The following FAM234B variants were observed in gnomAD, a reference collection of about 807,000 sequenced individuals.
The protein encoded by FAM234B is family with sequence similarity 234 member B.
In FAM234B, 33 loss-of-function variants were observed where a neutral mutation model predicts 69.3. The observed-to-expected ratio is 0.48, with a 90% CI of 0.36 to 0.64. The LOEUF is 0.64. Ranked by LOEUF, FAM234B falls within the 30% of genes least tolerant of loss-of-function variation. FAM234B has a pLI of 0.00. For missense variants in FAM234B, 697 were observed against 769.7 expected (o/e 0.91, Z 1.12); for synonymous variants, 306 against 306.9 (o/e 1.00, Z 0.03).
intron 12 of FAM234B, 25 bp from the exon 13 acceptor site, chr12:13,080,600 A>C (rs1156254920): frequency 1.9e-6 from 3 of 1,594,522 alleles, no homozygotes; most frequent in Non-Finnish European, 2.6e-6. Context: ...AAAACAATAA[A>C]GTCACGATAA....
intron 1 of FAM234B, among the ~76,000 whole-genome samples, chr12:13,054,109 C>T (rs1036438964): frequency 2.6e-5 from 4 of 152,098 alleles, no homozygotes; most frequent in Admixed American, 1.3e-4. Context: ...TTCAAACACA[C>T]GTTTTACAAT....
chr12:13,047,689 C>T (rs1167769982), intron 1 of FAM234B, among the ~76,000 whole-genome samples: 1 of 152,178 alleles, frequency 6.6e-6, no homozygotes, highest in East Asian at 1.9e-4. Context: ...AATCAGTGCC[C>T]TCTCCCTTAT....
chr12:13,070,955 T>C (rs2120493872), intron 9 of FAM234B, among the ~76,000 whole-genome samples: 1 of 152,302 alleles, frequency 6.6e-6, no homozygotes, highest in South Asian at 2.1e-4. Context: ...CCTCCTTTTC[T>C]CACCTGTAAA....
chr12:13,050,894 G>C (rs1232924183), intron 1 of FAM234B, among the ~76,000 whole-genome samples: 1 of 152,090 alleles, frequency 6.6e-6, no homozygotes, highest in Non-Finnish European at 1.5e-5. Flanking sequence ...TGTGAACTCT[G>C]CTCATTGCTG....
At chr12:13,076,446 A>G (rs1865161761) in intron 11 of FAM234B, among the ~76,000 whole-genome samples, 1 of 152,236 alleles carries the variant, frequency 6.6e-6, no homozygotes, top group African/African-American at 2.4e-5. Flanking sequence ...AATGAGCATC[A>G]TCTGTATGCC....
At chr12:13,058,129 T>A (rs1417921602) in intron 2 of FAM234B, among the ~76,000 whole-genome samples, 2 of 152,190 alleles carry the variant, frequency 1.3e-5, no homozygotes, top group African/African-American at 4.8e-5. Context: ...GTTTCTGGGT[T>A]GCTGGCTTTT....
chr12:13,061,862 G>A lies in FAM234B; in HGVS notation c.721+99G>A. 9.5e-6 allele frequency: 9 copies of A among 944,930 alleles called. No homozygotes were observed. The South Asian group carries it at 1.3e-4, about 14-fold the overall frequency. 58.5% of individuals were successfully genotyped at this position (944,930 alleles called of 1,614,324 possible). A position where few individuals can be genotyped will look rare whatever the true frequency, so the allele number is the denominator to read the frequency against. ...GGGGACCTTTTGACTCTCACGTGGT[G>A]GAGTATCTGATTTACTGATCTGGAA... On this transcript the variant is annotated intron_variant, in intron 4 of 12. Transcript: ENST00000197268.
intron 11 of FAM234B, 136 bp from the exon 12 acceptor site, chr12:13,079,653 C>T (rs1244484880): frequency 3.3e-6 from 2 of 613,370 alleles, no homozygotes; most frequent in Admixed American, 3.1e-5. Flanking sequence ...AGCTCACTGC[C>T]TTCTGTTTAT....
At chr12:13,046,145 C>G (rs776494356) in intron 1 of FAM234B, among the ~76,000 whole-genome samples, 2 of 93,590 alleles carry the variant, frequency 2.1e-5, no homozygotes, top group African/African-American at 5.4e-5. Flanking sequence ...AGAAAATGTT[C>G]ACTTGCGTCT....
chr12:13,075,610 CTTTTTTT>C (rs5796522), intron 10 of FAM234B, among the ~76,000 whole-genome samples: 1 of 122,890 alleles, frequency 8.1e-6, no homozygotes, highest in African/African-American at 3.1e-5. Context: ...TTTTTTTTCT[CTTTTTTT>C]TTTTTTTTTT....
chr12:13,055,954 G>A lies in FAM234B; in HGVS notation c.433+8G>A, dbSNP rs752909947. 18 of 1,543,120 alleles carry A rather than the reference G, an allele frequency of 1.2e-5. No homozygotes were observed. The highest frequency in any genetic ancestry group is 1.5e-5 in the Non-Finnish European group (17 of 1,147,108). On this transcript the variant is annotated splice_region_variant and intron_variant, in intron 2 of 12. Coordinates refer to ENST00000197268, the MANE Select transcript of FAM234B (RefSeq NM_020853.2). ...ACTTGGGCTCCCAGGGAGGTGAGCT[G>A]CAGAATCTTCAGCCCTAATCCTGTG...
At chr12:13,054,632 G>T (rs1436722767) in intron 1 of FAM234B, among the ~76,000 whole-genome samples, 1 of 152,144 alleles carries the variant, frequency 6.6e-6, no homozygotes, top group African/African-American at 2.4e-5. Context: ...ATTAGTGATA[G>T]ATTACTGCAT....
At chr12:13,061,841 A>C in intron 4 of FAM234B, 78 bp downstream of exon 4, 1 of 1,245,588 alleles carries the variant, frequency 8.0e-7, no homozygotes. Context: ...TGGGTAGGGG[A>C]CCTTTTGACT....
chr12:13,080,289 C>T lies in FAM234B; in HGVS notation c.1863+280C>T, dbSNP rs569443176. Among the ~76,000 whole-genome samples the T allele has an allele frequency of 4.6e-5, 7 of 152,100 alleles. No homozygotes were observed. In the East Asian group the frequency reaches 5.8e-4, roughly 13 times the overall value. ...TCCCAATGACTGACAGGGGTGGCTA[C>T]GACTGGTATTTTCTGGGTTGGGGCT... is the stretch of plus-strand genomic sequence containing the variant. On this transcript the variant is annotated intron_variant, in intron 12 of 12. Coordinates refer to ENST00000197268, the MANE Select transcript of FAM234B (RefSeq NM_020853.2).
At chr12:13,051,550 C>T (rs1167374965) in intron 1 of FAM234B, among the ~76,000 whole-genome samples, 3 of 152,168 alleles carry the variant, frequency 2.0e-5, no homozygotes, top group Non-Finnish European at 2.9e-5. Flanking sequence ...CAAGATCTTA[C>T]GTTATAGAAA....
chr12:13,055,844 T>C lies in FAM234B; in HGVS notation c.331T>C (p.Leu111=). ...GCGCACGTCTGTCTTCCTGCTGACT[T>C]TGGGGATCTCGATGATCCTGGTGCT... The part of the protein sequence containing the change: ...YVRTSVFLLT[L]GISMILVLLC... The change falls in exon 2 of 13, where the codon TTG becomes CTG. Residue 111 remains leucine (L), a synonymous_variant. Transcript: ENST00000197268. 1 of 1,614,060 alleles carries C rather than the reference T, an allele frequency of 6.2e-7. No individual in the cohort carries two copies. The highest frequency in any genetic ancestry group is 8.5e-7 in the Non-Finnish European group (1 of 1,180,006).
chr12:13,080,061 C>A, intron 12 of FAM234B, 52 bp downstream of exon 12: 2 of 1,310,794 alleles, frequency 1.5e-6, no homozygotes, highest in Non-Finnish European at 1.0e-6. Flanking sequence ...ACAAATACTA[C>A]CAATTCCAGC....
At chr12:13,045,157 A>G (rs1044383008) in intron 1 of FAM234B, among the ~76,000 whole-genome samples, 1 of 151,782 alleles carries the variant, frequency 6.6e-6, no homozygotes, top group Non-Finnish European at 1.5e-5. Context: ...AGGCAGCATT[A>G]GGGGTGATGA....
At chr12:13,051,120 C>T (rs1190573574) in intron 1 of FAM234B, among the ~76,000 whole-genome samples, 2 of 152,168 alleles carry the variant, frequency 1.3e-5, no homozygotes, top group African/African-American at 4.8e-5. Context: ...CTTTTGCCAT[C>T]ATTAACTAGA....
Sources: gnomAD v4.1 joint callset for allele counts (sites outside exome capture counted in the v4.1 genomes callset) on GRCh38, gnomAD v4.1.1 for gene constraint, MANE v1.5 for transcripts, NCBI Gene and HGNC (gene_info 2026-07-23, HGNC 2026-07-21) for gene names.